RCAN2: variants seen among roughly 807,000 people sequenced by gnomAD.
RCAN2 encodes the protein regulator of calcineurin 2.
Under a neutral mutation model 23.6 loss-of-function variants are expected in RCAN2, and 9 were observed. The observed-to-expected ratio is 0.38, with a 90% CI of 0.23 to 0.67. The LOEUF (loss-of-function observed/expected upper bound fraction) is 0.67. RCAN2 is among the 30% of genes least tolerant of loss of function. The pLI, the probability that RCAN2 is intolerant of heterozygous loss-of-function variation, is 0.51. For missense variants in RCAN2, 273 were observed against 302.3 expected (o/e 0.90, Z 0.72); for synonymous variants, 109 against 115.7 (o/e 0.94, Z 0.37).
At chr6:46,293,607 G>C (rs545969198) in intron 2 of RCAN2, among the ~76,000 whole-genome samples, 2 of 152,310 alleles carry the variant, frequency 1.3e-5, no homozygotes, top group South Asian at 4.1e-4. Flanking sequence ...AAGAATGACA[G>C]CTTCATTCCT....
chr6:46,462,901 C>T (rs1768264162), intron 1 of RCAN2, among the ~76,000 whole-genome samples: 1 of 152,102 alleles, frequency 6.6e-6, no homozygotes, highest in South Asian at 2.1e-4. Context: ...GAGCAGGGAG[C>T]CATGCATTTG....
intron 2 of RCAN2, among the ~76,000 whole-genome samples, chr6:46,278,315 T>A (rs1767781372): frequency 6.6e-6 from 1 of 152,070 alleles, no homozygotes; most frequent in Non-Finnish European, 1.5e-5. Context: ...ATACCCTTCA[T>A]CCAGATTCCC....
At chr6:46,396,560 G>A (rs964129496) in intron 2 of RCAN2, among the ~76,000 whole-genome samples, 2 of 152,152 alleles carry the variant, frequency 1.3e-5, no homozygotes, top group Admixed American at 6.5e-5. Flanking sequence ...TTTTGATCTG[G>A]TGTAGGCAGG....
intron 2 of RCAN2, among the ~76,000 whole-genome samples, chr6:46,289,324 CAA>C (rs984888422): frequency 2.0e-5 from 3 of 152,106 alleles, no homozygotes; most frequent in Admixed American, 6.6e-5. Flanking sequence ...TTTATTGAGG[CAA>C]AGAGTTGGGT....
chr6:46,445,874 G>A lies in RCAN2; in HGVS notation c.225+10878C>T, dbSNP rs74505857. 2.8e-3 allele frequency among the ~76,000 whole-genome samples: 433 copies of A among 152,148 alleles called. 3 individuals are homozygous for A. The highest frequency in any genetic ancestry group is 9.9e-3 in the African/African-American group (410 of 41,504). ...GTTATTTGAAAATATATAGTCAGAC[G>A]AAAATATTAAAGTGAATGAAAATGC... is the stretch of plus-strand genomic sequence containing the variant. On this transcript the variant is annotated intron_variant, in intron 2 of 4. Transcript: ENST00000371374.
intron 2 of RCAN2, among the ~76,000 whole-genome samples, chr6:46,255,504 A>C (rs1402450720): frequency 6.6e-6 from 1 of 152,206 alleles, no homozygotes; most frequent in African/African-American, 2.4e-5. Flanking sequence ...TAAACCCAAA[A>C]GATAATTTTG....
At chr6:46,293,923 G>C (rs1273428645) in intron 2 of RCAN2, among the ~76,000 whole-genome samples, 1 of 152,162 alleles carries the variant, frequency 6.6e-6, no homozygotes, top group African/African-American at 2.4e-5. Context: ...AAAGCATGAG[G>C]CATAAAGAAC....
At chr6:46,397,811 CAT>C (rs887883118) in intron 2 of RCAN2, among the ~76,000 whole-genome samples, 24 of 152,182 alleles carry the variant, frequency 1.6e-4, no homozygotes, top group African/African-American at 5.3e-4. Context: ...ATCACCACCA[CAT>C]GTTTATTCAT....
chr6:46,292,056 A>G (rs1473857623), intron 2 of RCAN2, among the ~76,000 whole-genome samples: 2 of 152,180 alleles, frequency 1.3e-5, no homozygotes, highest in South Asian at 2.1e-4. Context: ...AAATGCAGAT[A>G]CCCCTTGAAA....
intron 2 of RCAN2, among the ~76,000 whole-genome samples, chr6:46,307,401 A>G (rs1294595469): frequency 2.6e-5 from 4 of 152,126 alleles, no homozygotes; most frequent in African/African-American, 4.8e-5. Flanking sequence ...TCAGGCTTCA[A>G]GGCTGAGTGA....
At chr6:46,414,346 G>C (rs73454927) in intron 2 of RCAN2, among the ~76,000 whole-genome samples, 4,926 of 152,250 alleles carry the variant, frequency 0.032, 252 homozygotes, top group African/African-American at 0.11. Context: ...CAGACCAATG[G>C]CTATGGGAGT....
chr6:46,227,418 A>G (rs770026036), intron 4 of RCAN2, among the ~76,000 whole-genome samples: 5 of 151,894 alleles, frequency 3.3e-5, no homozygotes, highest in Non-Finnish European at 7.4e-5. Flanking sequence ...CTGGTTCTGG[A>G]CTTTTTTTGG....
At chr6:46,250,627 G>A (rs1469548084) in intron 2 of RCAN2, among the ~76,000 whole-genome samples, 2 of 152,220 alleles carry the variant, frequency 1.3e-5, no homozygotes, top group Non-Finnish European at 2.9e-5. Flanking sequence ...ACAGTCAGTA[G>A]CAGAGCCAGG....
intron 2 of RCAN2, among the ~76,000 whole-genome samples, chr6:46,284,328 G>A (rs1582064215): frequency 1.3e-5 from 2 of 152,142 alleles, no homozygotes; most frequent in African/African-American, 4.8e-5. Context: ...CCAGGGATGT[G>A]GGGGTGTAAT....
At chr6:46,467,045 C>T (rs1206668464) in intron 1 of RCAN2, among the ~76,000 whole-genome samples, 1 of 152,160 alleles carries the variant, frequency 6.6e-6, no homozygotes, top group Non-Finnish European at 1.5e-5. Flanking sequence ...AGATGAGATT[C>T]CCCAGTTACT....
intron 2 of RCAN2, among the ~76,000 whole-genome samples, chr6:46,268,270 A>G (rs1210897132): frequency 1.3e-5 from 2 of 152,232 alleles, no homozygotes; most frequent in African/African-American, 4.8e-5. Context: ...AAGAGAGCAG[A>G]CATAAGCCAT....
intron 2 of RCAN2, among the ~76,000 whole-genome samples, chr6:46,433,856 T>C (rs1360780109): frequency 6.6e-6 from 1 of 152,206 alleles, no homozygotes; most frequent in East Asian, 1.9e-4. Context: ...ACAAGCCTGA[T>C]TTATAGTTTG....
chr6:46,391,289 A>C (rs147021054), intron 2 of RCAN2, among the ~76,000 whole-genome samples: 34 of 152,332 alleles, frequency 2.2e-4, no homozygotes, highest in African/African-American at 8.2e-4. Flanking sequence ...ATTCTCAGCA[A>C]ACTATCGCAT....
chr6:46,366,666 A>C (rs945613194), intron 2 of RCAN2, among the ~76,000 whole-genome samples: 1 of 151,866 alleles, frequency 6.6e-6, no homozygotes, highest in African/African-American at 2.4e-5. Context: ...ACCACCCCCC[A>C]ACCCAGGGAT....
Sources: allele counts gnomAD v4.1 joint callset (sites outside exome capture counted in the v4.1 genomes callset), GRCh38; gene constraint gnomAD v4.1.1; transcripts MANE v1.5; gene names NCBI Gene and HGNC (gene_info 2026-07-23, HGNC 2026-07-21).